CFAP44: variants seen among roughly 807,000 people sequenced by gnomAD.
CFAP44 encodes cilia- and flagella-associated protein 44.
CFAP44 carries 134 observed loss-of-function variants against 216.2 expected under a neutral mutation model. The ratio of observed to expected loss-of-function variants is 0.62; its 90% CI spans 0.54 to 0.72. CFAP44 has a LOEUF of 0.72. Ranked by LOEUF, CFAP44 falls within the 30% of genes least tolerant of loss-of-function variation. CFAP44 has a pLI of 0.00. For missense variants in CFAP44, 2,035 were observed against 2,182.1 expected (o/e 0.93, Z 1.34); for synonymous variants, 700 against 727.6 (o/e 0.96, Z 0.61).
In CFAP44 at chr3:113,306,221, A is replaced by G. The variant is rs1949984204; in HGVS notation, c.4738T>C (p.Tyr1580His). The change falls in exon 30 of 35, where the codon TAT becomes CAT. Residue 1580 changes from tyrosine (Y) to histidine (H), a missense_variant. By Grantham distance (83) the Tyr-to-His change is moderately conservative (BLOSUM62 2). Around this residue, in one of 3 missense-constraint regions of CFAP44, gnomAD observed 1,883 missense variants for 2,023.7 expected, o/e 0.93. Coordinates refer to ENST00000393845, the MANE Select transcript of CFAP44 (RefSeq NM_001164496.2). Reference protein sequence around the residue: ...KKIVDNLKKEYDTLSKKVKIV... With the variant: ...KKIVDNLKKEHDTLSKKVKIV... ...CATACTTTTTTTGACAATGTATCAT[A>G]TTCCTTTTTGAGGTTATCAACAATT... 1.3e-6 allele frequency: 2 copies of G among 1,536,834 alleles called. No homozygotes were observed. The highest frequency in any genetic ancestry group is 4.9e-5 in the East Asian group (2 of 40,888).
rs115197350 is a variant in CFAP44 at position 113,375,327 on chromosome 3, G to A, written c.2299-1771C>T. Among the ~76,000 whole-genome samples, 1,330 of 152,176 alleles carry A rather than the reference G, an allele frequency of 8.7e-3. 18 individuals carry two copies. The highest frequency in any genetic ancestry group is 0.022 in the African/African-American group (905 of 41,494). ...TGTACACTTAAAAATGGTTAAGATGGTCAATTTTATGTTATATGTCTTTTA... is the reference window on the plus strand; with the variant it reads ...TGTACACTTAAAAATGGTTAAGATGATCAATTTTATGTTATATGTCTTTTA... On this transcript the variant is annotated intron_variant, in intron 17 of 34. Coordinates refer to ENST00000393845, the MANE Select transcript of CFAP44 (RefSeq NM_001164496.2).
intron 24 of CFAP44, among the ~76,000 whole-genome samples, chr3:113,336,483 A>G (rs1162747835): frequency 6.6e-6 from 1 of 152,104 alleles, no homozygotes; most frequent in African/African-American, 2.4e-5. Flanking sequence ...AAATTTCTTC[A>G]AAGACACAAA....
chr3:113,439,238 T>C (rs551304879), intron 1 of CFAP44, among the ~76,000 whole-genome samples: 1 of 152,084 alleles, frequency 6.6e-6, no homozygotes, highest in East Asian at 1.9e-4. Context: ...AGAATTAGAA[T>C]GGAGTCACCA....
At chr3:113,319,911 A>C (rs1399949887) in intron 28 of CFAP44, among the ~76,000 whole-genome samples, 1 of 152,206 alleles carries the variant, frequency 6.6e-6, no homozygotes, top group Admixed American at 6.5e-5. Flanking sequence ...ACAGAAACAC[A>C]AAAGATAATC....
At chr3:113,398,421 G>A (rs1463428934) in intron 13 of CFAP44, among the ~76,000 whole-genome samples, 2 of 152,180 alleles carry the variant, frequency 1.3e-5, no homozygotes, top group African/African-American at 4.8e-5. Flanking sequence ...GGGGTATGGA[G>A]AAGGGACATT....
rs1490762060 is a variant in CFAP44, at chr3:113,344,505, T to A, written c.3262+11A>T. ...AAATAAGAATTTAAAAGCCTTCTTG[T>A]CATAGGCTACCTGCATCTCTCTGGC... On this transcript the variant is annotated intron_variant, in intron 23 of 34. Coordinates refer to ENST00000393845, the MANE Select transcript of CFAP44 (RefSeq NM_001164496.2). 1 of 1,533,810 alleles carries A rather than the reference T, an allele frequency of 6.5e-7. No homozygotes were observed.
intron 21 of CFAP44, chr3:113,361,250 C>A: frequency 4.6e-6 from 1 of 218,664 alleles, no homozygotes; most frequent in South Asian, 8.2e-5. Context: ...TTTCATCTGT[C>A]AGTCCTACTT....
At chr3:113,410,499 T>G (rs1223469081) in intron 6 of CFAP44, among the ~76,000 whole-genome samples, 2 of 152,246 alleles carry the variant, frequency 1.3e-5, no homozygotes, top group East Asian at 1.9e-4. Flanking sequence ...TATGGCTGCA[T>G]AGTATTCCAT....
chr3:113,349,457 T>A lies in CFAP44; in HGVS notation c.3066-4745A>T, dbSNP rs151225935. ...CAGAGAAAGGCCGCAGGCTTAGTCATGGCCCTCAGACAAACCTCGGTGGTT... is the reference window on the plus strand; with the variant it reads ...CAGAGAAAGGCCGCAGGCTTAGTCAAGGCCCTCAGACAAACCTCGGTGGTT... On this transcript the variant is annotated intron_variant, in intron 22 of 34. Transcript: ENST00000393845. Among the ~76,000 whole-genome samples, 290 of 152,278 alleles carry A rather than the reference T, an allele frequency of 1.9e-3. 2 individuals carry two copies. The highest frequency in any genetic ancestry group is 5.7e-3 in the African/African-American group (237 of 41,574).
At position 113,290,385 on chromosome 3, in the gene CFAP44, C is replaced by T. The variant is rs1163801172; in HGVS notation, c.*1172G>A. On this transcript the variant is annotated 3_prime_UTR_variant, in exon 35 of 35. Coordinates refer to ENST00000393845, the MANE Select transcript of CFAP44 (RefSeq NM_001164496.2). ...AAGACCTGTCTGTAATTTTGGGGGG[C>T]ACATTAGCAGGCTAATCACAGGTGA... 1 of 152,200 alleles carries T rather than the reference C, an allele frequency of 6.6e-6. No individual in the cohort carries two copies. The highest frequency in any genetic ancestry group is 1.5e-5 in the Non-Finnish European group (1 of 68,046). 9.4% of individuals were successfully genotyped at this position (152,200 alleles called of 1,614,324 possible).
At position 113,308,703 on chromosome 3, in the gene CFAP44, A is replaced by AC. The variant is rs554466792; in HGVS notation, c.4517-436dup. 1.9e-3 allele frequency among the ~76,000 whole-genome samples: 289 copies of AC among 151,942 alleles called. 1 individual carries two copies. Among genetic ancestry groups the AC allele is most frequent in the Non-Finnish European group, 3.0e-3 (207 of 67,964 alleles). On this transcript the variant is annotated intron_variant, in intron 28 of 34. Coordinates refer to ENST00000393845, the MANE Select transcript of CFAP44 (RefSeq NM_001164496.2). ...CTTCCTGGGCTCAAGCAATCCTCCCACCTCAGCCTTCTGAGTAGCTGGAAT... is the reference window on the plus strand; with the variant it reads ...CTTCCTGGGCTCAAGCAATCCTCCCACCCTCAGCCTTCTGAGTAGCTGGAAT...
At chr3:113,415,700 T>C (rs1934626414) in intron 6 of CFAP44, among the ~76,000 whole-genome samples, 1 of 152,218 alleles carries the variant, frequency 6.6e-6, no homozygotes. Flanking sequence ...TCCTGAGTTC[T>C]AATTTGATTG....
At chr3:113,370,668 A>G (rs1349650088) in intron 18 of CFAP44, among the ~76,000 whole-genome samples, 1 of 152,234 alleles carries the variant, frequency 6.6e-6, no homozygotes, top group East Asian at 1.9e-4. Flanking sequence ...GAAAACTGGC[A>G]CAAGACAAGG....
At chr3:113,325,827 A>G (rs1172477930) in intron 28 of CFAP44, among the ~76,000 whole-genome samples, 1 of 152,226 alleles carries the variant, frequency 6.6e-6, no homozygotes, top group Non-Finnish European at 1.5e-5. Flanking sequence ...TGTAGCTACA[A>G]TAATCAAGAC....
In CFAP44 at chr3:113,330,240, CGTT is replaced by C. The variant is rs1291520020; in HGVS notation, c.4041_4043del (p.Thr1348del). 1.4e-5 allele frequency: 22 copies of C among 1,537,512 alleles called. No homozygotes were observed. The highest frequency in any genetic ancestry group is 1.9e-5 in the Non-Finnish European group (22 of 1,146,968). ...TCTTCATAATTTCCAGCTCCACATCCGTTGGCTCTGCTTTTTCAAATTCCAAAC... is the reference window on the plus strand; with the variant it reads ...TCTTCATAATTTCCAGCTCCACATCCGGCTCTGCTTTTTCAAATTCCAAAC... On this transcript the variant is annotated inframe_deletion, in exon 26 of 35. Transcript: ENST00000393845.
chr3:113,368,735 T>C (rs1933045409), intron 18 of CFAP44, among the ~76,000 whole-genome samples: 1 of 152,148 alleles, frequency 6.6e-6, no homozygotes, highest in South Asian at 2.1e-4. Flanking sequence ...AATTCACACA[T>C]AACAATATTA....
intron 24 of CFAP44, 71 bp downstream of exon 24, chr3:113,341,673 A>G: frequency 7.6e-7 from 1 of 1,311,722 alleles, no homozygotes; most frequent in Non-Finnish European, 9.9e-7. Flanking sequence ...ATAAATATAA[A>G]GATTTTTAAG....
chr3:113,303,826 TACTATTTTC>T, intron 32 of CFAP44, 81 bp downstream of exon 32: 1 of 1,364,824 alleles, frequency 7.3e-7, no homozygotes, highest in Non-Finnish European at 9.9e-7. Context: ...AGTCTGCAAT[TACTATTTTC>T]ACAGTTGGAG....
chr3:113,406,609 G>A (rs150325790), intron 8 of CFAP44, among the ~76,000 whole-genome samples: 4,283 of 150,056 alleles, frequency 0.029, 106 homozygotes, highest in East Asian at 0.099. Flanking sequence ...GGGCAACAGA[G>A]CGAGACCCTG....
Sources: gnomAD v4.1 joint callset for allele counts (sites outside exome capture counted in the v4.1 genomes callset) on GRCh38, gnomAD v4.1.1 for gene constraint, gnomAD v4.1.1 regional missense constraint, MANE v1.5 for transcripts, NCBI Gene and HGNC (gene_info 2026-07-23, HGNC 2026-07-21) for gene names.